The following PLAC9 variants were observed in gnomAD, a reference collection of about 807,000 sequenced individuals.
PLAC9 encodes the protein placenta associated 9.
PLAC9 carries 12 observed loss-of-function variants against 11.5 expected under a neutral mutation model. The ratio of observed to expected loss-of-function variants is 1.05; its 90% CI spans 0.67 to 1.69. The LOEUF (loss-of-function observed/expected upper bound fraction) is 1.69. Among genes scored for constraint, PLAC9 ranks in the 40% most tolerant of loss-of-function variants. PLAC9 has a pLI of 0.00. For missense variants in PLAC9, 132 were observed against 130.5 expected (o/e 1.01, Z -0.06); for synonymous variants, 62 against 58.1 (o/e 1.07, Z -0.31).
upstream of PLAC9, among the ~76,000 whole-genome samples, chr10:80,132,408 A>T (rs1036163021): frequency 3.3e-5 from 5 of 152,162 alleles, no homozygotes; most frequent in Non-Finnish European, 7.3e-5. Flanking sequence ...ACTGGCTCGT[A>T]ACAAACCCCT....
chr10:80,139,204 G>T (rs1392549884), intron 1 of PLAC9, among the ~76,000 whole-genome samples: 1 of 151,910 alleles, frequency 6.6e-6, no homozygotes, highest in African/African-American at 2.4e-5. Context: ...TGCCCGCCTC[G>T]GCCTCCCAAA....
At chr10:80,137,722 C>T (rs1189256331) in intron 1 of PLAC9, among the ~76,000 whole-genome samples, 1 of 152,118 alleles carries the variant, frequency 6.6e-6, no homozygotes, top group East Asian at 1.9e-4. Flanking sequence ...TGAGCTTAGC[C>T]TGGGCAACGT....
intron 1 of PLAC9, among the ~76,000 whole-genome samples, chr10:80,133,281 G>A (rs1329339053): frequency 6.6e-6 from 1 of 152,204 alleles, no homozygotes; most frequent in Non-Finnish European, 1.5e-5. Flanking sequence ...AGTAGAGCTG[G>A]CAAGAGAGAA....
chr10:80,135,203 T>C (rs1212917950), intron 1 of PLAC9, among the ~76,000 whole-genome samples: 2 of 151,940 alleles, frequency 1.3e-5, no homozygotes, highest in East Asian at 3.8e-4. Context: ...TTTGTATTTT[T>C]AGTAGACATG....
At chr10:80,133,120 T>G (rs895827001) in intron 1 of PLAC9, among the ~76,000 whole-genome samples, 1 of 150,946 alleles carries the variant, frequency 6.6e-6, no homozygotes, top group East Asian at 1.9e-4. Flanking sequence ...TGAACTAAGA[T>G]AGAAAGAAAA....
chr10:80,133,676 T>G (rs1463431131), intron 1 of PLAC9, among the ~76,000 whole-genome samples: 1 of 152,084 alleles, frequency 6.6e-6, no homozygotes, highest in East Asian at 1.9e-4. Context: ...GTTCCTTGCT[T>G]TTCACTGTCC....
intron 1 of PLAC9, among the ~76,000 whole-genome samples, chr10:80,134,026 G>T (rs2789683): frequency 0.47 from 70,397 of 150,918 alleles, 18,685 homozygotes; most frequent in Non-Finnish European, 0.59. Flanking sequence ...ATATTTTTGT[G>T]CATAATCTTT....
At position 80,132,768 on chromosome 10, in the gene PLAC9, G is replaced by A; in HGVS notation, c.6G>A (p.Arg2=). 1 of 1,486,480 alleles carries A rather than the reference G, an allele frequency of 6.7e-7. No homozygotes were observed. 92.1% of individuals were successfully genotyped at this position (1,486,480 alleles called of 1,614,324 possible). A position where few individuals can be genotyped will look rare whatever the true frequency, so the allele number is the denominator to read the frequency against. Residue 2 remains arginine, a synonymous_variant, in exon 1 of 4, where the codon CGG becomes CGA. Coordinates refer to ENST00000372263, the MANE Select transcript of PLAC9 (RefSeq NM_001012973.3). ...CGCTCGGCCAGGCCGGCACCATGCG[G>A]CCCCTGCTCTGCGCGCTGACCGGAC... M[R]PLLCALTGLA...
intron 1 of PLAC9, among the ~76,000 whole-genome samples, chr10:80,138,499 C>G (rs1845003398): frequency 6.6e-6 from 1 of 152,110 alleles, no homozygotes; most frequent in Admixed American, 6.6e-5. Flanking sequence ...AGATTGTTCT[C>G]CACAAAAGAT....
chr10:80,143,451 G>A (rs1176044421), intron 2 of PLAC9, among the ~76,000 whole-genome samples: 2 of 134,322 alleles, frequency 1.5e-5, no homozygotes, highest in African/African-American at 2.9e-5. Flanking sequence ...AGGCTGGAGT[G>A]CAATGGTGTG....
At chr10:80,144,073 G>C (rs1364547402) in intron 2 of PLAC9, 150 bp from the exon 3 acceptor site, 2 of 1,041,294 alleles carry the variant, frequency 1.9e-6, no homozygotes, top group African/African-American at 3.1e-5. Flanking sequence ...GGTAGGGGCA[G>C]AGCCTGAGTG....
At chr10:80,132,004 T>C (rs1844918214), upstream of PLAC9, among the ~76,000 whole-genome samples, 1 of 152,242 alleles carries the variant, frequency 6.6e-6, no homozygotes, top group Non-Finnish European at 1.5e-5. Flanking sequence ...GTTGCACTTG[T>C]TGGATGGGCA....
At chr10:80,139,366 C>T (rs7071174) in intron 1 of PLAC9, among the ~76,000 whole-genome samples, 22,962 of 152,136 alleles carry the variant, frequency 0.15, 3,213 homozygotes, top group African/African-American at 0.37. Context: ...TTTCCTTCCT[C>T]ATCCCAGCTG....
upstream of PLAC9, chr10:80,132,598 T>G (rs1349148132): frequency 1.4e-5 from 7 of 497,754 alleles, no homozygotes; most frequent in Non-Finnish European, 2.4e-5. Flanking sequence ...GCCCACGGGG[T>G]GCCGAGGGGC....
intron 1 of PLAC9, among the ~76,000 whole-genome samples, chr10:80,139,224 T>C (rs962071332): frequency 2.0e-5 from 3 of 152,190 alleles, no homozygotes; most frequent in Admixed American, 1.3e-4. Flanking sequence ...AGTGCTGGGA[T>C]TACAGGCGTG....
intron 3 of PLAC9, 108 bp downstream of exon 3, chr10:80,144,451 G>A: frequency 7.2e-7 from 1 of 1,397,864 alleles, no homozygotes; most frequent in South Asian, 1.5e-5. Context: ...CTGGCTGGCA[G>A]GGAGGGCCCC....
chr10:80,140,589 G>A (rs993886824), intron 1 of PLAC9, among the ~76,000 whole-genome samples: 1 of 152,140 alleles, frequency 6.6e-6, no homozygotes, highest in Non-Finnish European at 1.5e-5. Context: ...CAACCCTGAT[G>A]CCCCACAGGC....
intron 1 of PLAC9, among the ~76,000 whole-genome samples, chr10:80,137,322 G>A (rs1418028006): frequency 6.6e-6 from 1 of 152,206 alleles, no homozygotes; most frequent in African/African-American, 2.4e-5. Context: ...GGCTCTGGTT[G>A]TTCTGACTTC....
intron 3 of PLAC9, 105 bp downstream of exon 3, chr10:80,144,448 G>A (rs1008627856): frequency 7.2e-6 from 10 of 1,398,418 alleles, no homozygotes; most frequent in Middle Eastern, 5.1e-4. Flanking sequence ...AGCCTGGCTG[G>A]CAGGGAGGGC....
Sources: gnomAD v4.1 joint callset for allele counts (sites outside exome capture counted in the v4.1 genomes callset) on GRCh38, gnomAD v4.1.1 for gene constraint, MANE v1.5 for transcripts, NCBI Gene and HGNC (gene_info 2026-07-23, HGNC 2026-07-21) for gene names.